DCHS2: variants seen among roughly 807,000 people sequenced by gnomAD.
DCHS2 encodes the protein protocadherin-23.
A neutral mutation model predicts 182.4 loss-of-function variants in DCHS2; 142 were observed. The observed-to-expected ratio is 0.78, with a 90% CI of 0.68 to 0.89. The LOEUF is 0.89. Among genes scored for constraint, DCHS2 ranks in the 40% least tolerant of loss-of-function variants. DCHS2 has a pLI of 0.00. For missense variants in DCHS2, 4,319 were observed against 4,198.6 expected (o/e 1.03, Z -0.79); for synonymous variants, 1,740 against 1,663.3 (o/e 1.05, Z -1.12).
chr4:154,445,702 T>C (rs2110965527), intron 1 of DCHS2, among the ~76,000 whole-genome samples: 1 of 151,132 alleles, frequency 6.6e-6, no homozygotes, highest in South Asian at 2.1e-4. Context: ...TCCCAGATAC[T>C]AGGGAGGCTG....
At chr4:154,464,658 CA>C (rs1735162998) in intron 1 of DCHS2, among the ~76,000 whole-genome samples, 2 of 152,244 alleles carry the variant, frequency 1.3e-5, no homozygotes, top group South Asian at 4.1e-4. Flanking sequence ...TAGGTAAATA[CA>C]AATTTGAAGC....
intron 19 of DCHS2, 47 bp from the exon 20 acceptor site, chr4:154,237,206 A>T (rs1173050360): frequency 6.5e-7 from 1 of 1,540,838 alleles, no homozygotes. Flanking sequence ...TGCAGTTTTG[A>T]TGATCCATTT....
rs778117714 is a variant in DCHS2, at chr4:154,334,957, T to A, written c.2624A>T (p.Glu875Val). The part of the protein sequence containing the change: ...HIFQTTLAPA[E>V]FERPKYTFLV... ...GAAAGTGTACTTAGGCCTTTCAAAC[T>A]CAGCAGGTGCCAGAGTTGTCTGGAA... Residue 875 changes from glutamate to valine, a missense_variant, in exon 4 of 20, where the codon GAG becomes GTG. By Grantham distance (121) the Glu-to-Val change is moderately radical. Coordinates refer to ENST00000357232, the MANE Select transcript of DCHS2 (RefSeq NM_001358235.2). 1.2e-6 allele frequency: 2 copies of A among 1,614,164 alleles called. No individual in the cohort carries two copies. The highest frequency in any genetic ancestry group is 2.2e-5 in the South Asian group (2 of 91,084).
At chr4:154,463,174 T>TATATAC (rs141050042) in intron 1 of DCHS2, among the ~76,000 whole-genome samples, 2 of 148,228 alleles carry the variant, frequency 1.3e-5, no homozygotes, top group Admixed American at 6.7e-5. Flanking sequence ...TATATATATA[T>TATATAC]ACACACACAC....
chr4:154,316,923 T>A (rs1217405504), intron 9 of DCHS2, among the ~76,000 whole-genome samples: 1 of 152,370 alleles, frequency 6.6e-6, no homozygotes, highest in Admixed American at 6.5e-5. Flanking sequence ...AGATAGCCAT[T>A]ATATGATTCC....
At chr4:154,480,185 C>T (rs1735866418) in intron 1 of DCHS2, among the ~76,000 whole-genome samples, 3 of 152,134 alleles carry the variant, frequency 2.0e-5, no homozygotes, top group Non-Finnish European at 4.4e-5. Context: ...TAAAGATGAA[C>T]ATACAACATG....
At chr4:154,370,567 A>T (rs1281894135) in intron 2 of DCHS2, among the ~76,000 whole-genome samples, 2 of 152,186 alleles carry the variant, frequency 1.3e-5, no homozygotes, top group Non-Finnish European at 2.9e-5. Flanking sequence ...TCATTATAGA[A>T]ATGTTATCTG....
At chr4:154,345,183 C>G (rs932482789) in intron 3 of DCHS2, among the ~76,000 whole-genome samples, 2 of 152,220 alleles carry the variant, frequency 1.3e-5, no homozygotes, top group Admixed American at 1.3e-4. Context: ...GCAGGGCCTC[C>G]TCGCTAATGC....
At chr4:154,484,212 C>T (rs909359418) in intron 1 of DCHS2, among the ~76,000 whole-genome samples, 2 of 152,210 alleles carry the variant, frequency 1.3e-5, no homozygotes, top group Non-Finnish European at 2.9e-5. Flanking sequence ...CTTCCTCTTA[C>T]GCTTCACTAC....
At chr4:154,428,179 A>G (rs1733409419) in intron 1 of DCHS2, among the ~76,000 whole-genome samples, 3 of 152,218 alleles carry the variant, frequency 2.0e-5, no homozygotes, top group African/African-American at 7.2e-5. Flanking sequence ...GAAATCTAGT[A>G]GATATAAAGC....
chr4:154,340,294 T>C (rs1252985176), intron 3 of DCHS2, among the ~76,000 whole-genome samples: 1 of 152,154 alleles, frequency 6.6e-6, no homozygotes, highest in Admixed American at 6.5e-5. Context: ...ATTAAATCAA[T>C]CCCTGAGGTT....
At chr4:154,298,877 A>G (rs1025149776) in intron 12 of DCHS2, 169 bp from the exon 13 acceptor site, 1 of 1,009,216 alleles carries the variant, frequency 9.9e-7, no homozygotes, top group Non-Finnish European at 1.3e-6. Context: ...AGCATGATAA[A>G]GGCTCTGCCC....
chr4:154,476,704 A>T (rs933527213), intron 1 of DCHS2, among the ~76,000 whole-genome samples: 3 of 152,224 alleles, frequency 2.0e-5, no homozygotes, highest in African/African-American at 7.2e-5. Flanking sequence ...TCATCTCATG[A>T]TGCTTATAAT....
chr4:154,341,904 G>A (rs973424830), intron 3 of DCHS2, among the ~76,000 whole-genome samples: 6 of 151,952 alleles, frequency 3.9e-5, no homozygotes, highest in Admixed American at 6.6e-5. Flanking sequence ...CAAAAGTTTA[G>A]TCTTTTTAAT....
At chr4:154,349,650 C>G (rs1008583625) in intron 3 of DCHS2, among the ~76,000 whole-genome samples, 1 of 152,100 alleles carries the variant, frequency 6.6e-6, no homozygotes, top group Non-Finnish European at 1.5e-5. Context: ...TCTATTATTA[C>G]TATCCTTTCA....
chr4:154,247,383 T>C (rs1466982246), intron 16 of DCHS2, among the ~76,000 whole-genome samples: 3 of 145,052 alleles, frequency 2.1e-5, no homozygotes, highest in African/African-American at 7.7e-5. Flanking sequence ...GAGGCTGAGG[T>C]AGGAAAGTCA....
intron 16 of DCHS2, among the ~76,000 whole-genome samples, chr4:154,246,273 TCTC>T (rs1331340354): frequency 1.3e-5 from 2 of 152,322 alleles, no homozygotes; most frequent in East Asian, 3.9e-4. Flanking sequence ...TACTCTGCAT[TCTC>T]AGCCAAAGAA....
rs548212741 is a variant in DCHS2 at position 154,366,949 on chromosome 4, C to T, written c.2245-508G>A. Among the ~76,000 whole-genome samples the T allele has an allele frequency of 2.0e-5, 3 of 152,252 alleles. No individual in the cohort carries two copies. In the East Asian group the frequency reaches 5.8e-4, roughly 29 times the overall value. Reference sequence around the variant, plus strand: ...GTGAGGGAGCATGGGCAGGGGGGTGCCCTGGTGAAGCCTTCACTAGGAAGG... The same window carrying T: ...GTGAGGGAGCATGGGCAGGGGGGTGTCCTGGTGAAGCCTTCACTAGGAAGG... On this transcript the variant is annotated intron_variant, in intron 2 of 19. Coordinates refer to ENST00000357232, the MANE Select transcript of DCHS2 (RefSeq NM_001358235.2).
chr4:154,417,156 C>CAA, intron 1 of DCHS2, among the ~76,000 whole-genome samples: 1 of 123,348 alleles, frequency 8.1e-6, no homozygotes, highest in African/African-American at 3.2e-5. Flanking sequence ...AGGCCGGTCC[C>CAA]GAGTGTGTGT....
Sources: allele counts gnomAD v4.1 joint callset (sites outside exome capture counted in the v4.1 genomes callset), GRCh38; gene constraint gnomAD v4.1.1; transcripts MANE v1.5; gene names NCBI Gene and HGNC (gene_info 2026-07-23, HGNC 2026-07-21).